TSPAN5: variants seen among roughly 807,000 people sequenced by gnomAD.
TSPAN5 encodes tetraspanin 5, also known as tetraspanin-5.
In TSPAN5, 10 loss-of-function variants were observed where a neutral mutation model predicts 37.1. The ratio of observed to expected loss-of-function variants is 0.27; its 90% CI spans 0.17 to 0.46. The LOEUF is 0.46. Ranked by LOEUF, TSPAN5 falls within the 20% of genes least tolerant of loss-of-function variation. The pLI is 1.00. For missense variants in TSPAN5, 195 were observed against 326.6 expected (o/e 0.60, Z 3.11); for synonymous variants, 110 against 118.9 (o/e 0.93, Z 0.48).
intron 1 of TSPAN5, among the ~76,000 whole-genome samples, chr4:98,591,079 T>TG (rs1259047784): frequency 6.7e-6 from 1 of 149,826 alleles, no homozygotes; most frequent in African/African-American, 2.4e-5. Flanking sequence ...GTTTTTTTGT[T>TG]TTTTTTTTTT....
intron 1 of TSPAN5, among the ~76,000 whole-genome samples, chr4:98,575,806 T>C (rs1755221860): frequency 6.8e-6 from 1 of 147,250 alleles, no homozygotes; most frequent in Non-Finnish European, 1.5e-5. Context: ...GCGTGGTGGC[T>C]CACACCTGTA....
chr4:98,656,920 A>T (rs1163831498), intron 1 of TSPAN5, among the ~76,000 whole-genome samples: 2 of 152,248 alleles, frequency 1.3e-5, no homozygotes, highest in Non-Finnish European at 2.9e-5. Flanking sequence ...AAATTAAAGG[A>T]GAATTCAAAT....
chr4:98,552,551 T>C (rs1754647003), intron 1 of TSPAN5, among the ~76,000 whole-genome samples: 2 of 152,222 alleles, frequency 1.3e-5, no homozygotes, highest in Non-Finnish European at 2.9e-5. Flanking sequence ...AGTAAGATGG[T>C]AAGGATGTGA....
intron 1 of TSPAN5, among the ~76,000 whole-genome samples, chr4:98,646,611 G>A (rs999457722): frequency 6.6e-6 from 1 of 152,142 alleles, no homozygotes; most frequent in African/African-American, 2.4e-5. Flanking sequence ...ACAAACAATA[G>A]AAGCGAATTC....
chr4:98,513,556 G>A (rs1473682185), intron 1 of TSPAN5, among the ~76,000 whole-genome samples: 3 of 152,104 alleles, frequency 2.0e-5, no homozygotes, highest in Non-Finnish European at 2.9e-5. Flanking sequence ...GGGGGTGGGA[G>A]GAAGGGGAAG....
At chr4:98,512,374 G>A (rs922751439) in intron 1 of TSPAN5, among the ~76,000 whole-genome samples, 2 of 152,276 alleles carry the variant, frequency 1.3e-5, no homozygotes, top group South Asian at 4.1e-4. Flanking sequence ...GCTCAGGGAC[G>A]GAGAACTGTA....
At chr4:98,611,140 C>A (rs555100731) in intron 1 of TSPAN5, among the ~76,000 whole-genome samples, 2 of 152,144 alleles carry the variant, frequency 1.3e-5, no homozygotes, top group Non-Finnish European at 2.9e-5. Context: ...CTCTGGACTA[C>A]GATCTGAGGA....
chr4:98,488,719 A>G (rs1440637722), intron 2 of TSPAN5, among the ~76,000 whole-genome samples: 1 of 152,126 alleles, frequency 6.6e-6, no homozygotes, highest in African/African-American at 2.4e-5. Flanking sequence ...CACCTATACA[A>G]ATGATGCTGA....
At chr4:98,492,063 C>A (rs1287173942) in intron 2 of TSPAN5, among the ~76,000 whole-genome samples, 1 of 152,080 alleles carries the variant, frequency 6.6e-6, no homozygotes, top group Non-Finnish European at 1.5e-5. Flanking sequence ...GGAACAGCAC[C>A]ACCTCCTCCT....
chr4:98,557,015 G>A (rs1262411653), intron 1 of TSPAN5, among the ~76,000 whole-genome samples: 1 of 152,064 alleles, frequency 6.6e-6, no homozygotes, highest in African/African-American at 2.4e-5. Context: ...ATTATAATGT[G>A]CATAAATGTT....
At chr4:98,531,998 C>T (rs551124355) in intron 1 of TSPAN5, among the ~76,000 whole-genome samples, 1 of 152,198 alleles carries the variant, frequency 6.6e-6, no homozygotes, top group South Asian at 2.1e-4. Flanking sequence ...TTTTCTCCCA[C>T]CTTGTAGGTT....
intron 1 of TSPAN5, among the ~76,000 whole-genome samples, chr4:98,573,284 T>C (rs898366784): frequency 2.6e-5 from 4 of 152,252 alleles, no homozygotes; most frequent in Admixed American, 6.5e-5. Flanking sequence ...AAATTTTATT[T>C]TTCCTCTGTG....
intron 3 of TSPAN5, chr4:98,484,230 A>G (rs1752911463): frequency 8.6e-6 from 3 of 348,832 alleles, no homozygotes; most frequent in Admixed American, 4.0e-5. Flanking sequence ...CCAAAGGTGC[A>G]GACACTGACT....
At position 98,582,720 on chromosome 4, in the gene TSPAN5, G is replaced by A. The variant is rs371035441; in HGVS notation, c.82-74992C>T. ...CTTATTTTCCACATCACTGAAGTTC[G>A]GAGATGGATTCATACACTAAGTTCT... is the stretch of plus-strand genomic sequence containing the variant. On this transcript the variant is annotated intron_variant, in intron 1 of 7. Coordinates refer to ENST00000305798, the MANE Select transcript of TSPAN5 (RefSeq NM_005723.4). Among the ~76,000 whole-genome samples the A allele has an allele frequency of 9.2e-5, 14 of 152,250 alleles. No homozygotes were observed. In the East Asian group the frequency reaches 1.5e-3, roughly 17 times the overall value.
Position 98,547,034 on chromosome 4 carries a change from G to C in TSPAN5, c.82-39306C>G, listed in dbSNP as rs199876248. Among the ~76,000 whole-genome samples, 29 of 152,302 alleles carry C rather than the reference G, an allele frequency of 1.9e-4. No individual in the cohort carries two copies. In the East Asian group the frequency reaches 4.8e-3, roughly 25 times the overall value. On this transcript the variant is annotated intron_variant, in intron 1 of 7. Transcript: ENST00000305798. ...ACACGGCTGATGTGGAAACTCACAG[G>C]ACAGCTTGAGTTTGCTGGGGAAAAG...
intron 1 of TSPAN5, among the ~76,000 whole-genome samples, chr4:98,629,270 C>G (rs1361197394): frequency 6.6e-6 from 1 of 152,184 alleles, no homozygotes; most frequent in East Asian, 1.9e-4. Flanking sequence ...TATTTCTGAG[C>G]ACACAACCAA....
At chr4:98,598,987 A>G (rs1001849632) in intron 1 of TSPAN5, among the ~76,000 whole-genome samples, 1 of 152,234 alleles carries the variant, frequency 6.6e-6, no homozygotes. Context: ...AAATCCTGTT[A>G]AAACATACAC....
At position 98,592,926 on chromosome 4, in the gene TSPAN5, G is replaced by A. The variant is rs1329470482; in HGVS notation, c.81+65220C>T. Among the ~76,000 whole-genome samples the A allele has an allele frequency of 1.4e-4, 19 of 140,668 alleles. No homozygotes were observed. In the South Asian group the frequency reaches 3.2e-3, roughly 24 times the overall value. The allele number at this position is 140,668 out of a possible 152,430, so 92.3% of individuals were successfully genotyped here. On this transcript the variant is annotated intron_variant, in intron 1 of 7. Coordinates refer to ENST00000305798, the MANE Select transcript of TSPAN5 (RefSeq NM_005723.4). ...TGTGCATGTGTCTTTATAGCAGCATGATTTATACTCATTTGGGTATATACC... is the reference window on the plus strand; with the variant it reads ...TGTGCATGTGTCTTTATAGCAGCATAATTTATACTCATTTGGGTATATACC...
intron 1 of TSPAN5, among the ~76,000 whole-genome samples, chr4:98,536,011 C>A (rs1416035505): frequency 6.6e-6 from 1 of 152,178 alleles, no homozygotes; most frequent in Middle Eastern, 3.2e-3. Flanking sequence ...TATTACCCAC[C>A]TTCTGAAGCC....
Sources: gnomAD v4.1 joint callset for allele counts (sites outside exome capture counted in the v4.1 genomes callset) on GRCh38, gnomAD v4.1.1 for gene constraint, MANE v1.5 for transcripts, NCBI Gene and HGNC (gene_info 2026-07-23, HGNC 2026-07-21) for gene names.